Variants in VEPH1 observed in about 807,000 individuals in gnomAD.
The protein encoded by VEPH1 is ventricular zone-expressed PH domain-containing protein homolog 1.
Under a neutral mutation model 85.2 loss-of-function variants are expected in VEPH1, and 80 were observed. The ratio of observed to expected loss-of-function variants is 0.94; its 90% CI spans 0.78 to 1.13. VEPH1 has a LOEUF of 1.13. Among genes scored for constraint, VEPH1 ranks in the 50% most tolerant of loss-of-function variants. The pLI is 0.00. For missense variants in VEPH1, 955 were observed against 980.5 expected, an observed-to-expected ratio of 0.97 and a Z score of 0.35; for synonymous variants, 297 against 348.0, an observed-to-expected ratio of 0.85 and a Z score of 1.63.
At chr3:157,330,896 A>G (rs543944209) in intron 9 of VEPH1, among the ~76,000 whole-genome samples, 1 of 152,314 alleles carries the variant, frequency 6.6e-6, no homozygotes, top group Non-Finnish European at 1.5e-5. Context: ...AGATACATAA[A>G]CAGTAAGCTA....
intron 9 of VEPH1, among the ~76,000 whole-genome samples, chr3:157,324,413 T>C (rs1368625062): frequency 6.6e-6 from 1 of 152,112 alleles, no homozygotes; most frequent in African/African-American, 2.4e-5. Flanking sequence ...TGTGGCATGG[T>C]GGTTTGCTGC....
At chr3:157,338,187 T>G (rs1331951602) in intron 9 of VEPH1, among the ~76,000 whole-genome samples, 1 of 152,204 alleles carries the variant, frequency 6.6e-6, no homozygotes, top group Non-Finnish European at 1.5e-5. Flanking sequence ...TAGGAGTAAA[T>G]GTACTAAGAG....
chr3:157,412,427 T>C (rs1036183152), intron 6 of VEPH1, among the ~76,000 whole-genome samples: 22 of 152,260 alleles, frequency 1.4e-4, no homozygotes, highest in African/African-American at 5.3e-4. Flanking sequence ...ACAAAAAGAA[T>C]TACCATTAAA....
chr3:157,472,057 G>A (rs1040716796), intron 2 of VEPH1, among the ~76,000 whole-genome samples: 4 of 152,134 alleles, frequency 2.6e-5, no homozygotes, highest in Non-Finnish European at 5.9e-5. Flanking sequence ...CTTCCTCAGC[G>A]GGAGCCAGGC....
chr3:157,351,305 G>T (rs538053433), intron 9 of VEPH1, among the ~76,000 whole-genome samples: 2 of 152,116 alleles, frequency 1.3e-5, no homozygotes, highest in African/African-American at 4.8e-5. Flanking sequence ...AATTAGCCTG[G>T]AGTGGTAGCG....
chr3:157,275,347 G>A (rs1261500399), intron 12 of VEPH1, among the ~76,000 whole-genome samples: 1 of 152,122 alleles, frequency 6.6e-6, no homozygotes, highest in African/African-American at 2.4e-5. Flanking sequence ...AGGCTGAGGC[G>A]GGTGGATTGC....
At chr3:157,355,901 CTT>C (rs142961206) in intron 9 of VEPH1, among the ~76,000 whole-genome samples, 51 of 139,262 alleles carry the variant, frequency 3.7e-4, no homozygotes, top group Admixed American at 1.2e-3. Flanking sequence ...CTCTCTCACT[CTT>C]TTTTTTTTTT....
intron 12 of VEPH1, among the ~76,000 whole-genome samples, chr3:157,272,681 T>C (rs1714868552): frequency 6.6e-6 from 1 of 152,032 alleles, no homozygotes; most frequent in Admixed American, 6.6e-5. Context: ...CCCATGGTCC[T>C]CAAACTCCTG....
At chr3:157,355,533 T>A (rs1010609432) in intron 9 of VEPH1, among the ~76,000 whole-genome samples, 1 of 152,232 alleles carries the variant, frequency 6.6e-6, no homozygotes, top group African/African-American at 2.4e-5. Context: ...ACCAGCTAAG[T>A]AGATGACAAC....
chr3:157,458,226 G>T (rs981673507), intron 4 of VEPH1, among the ~76,000 whole-genome samples: 3 of 152,044 alleles, frequency 2.0e-5, no homozygotes, highest in African/African-American at 2.4e-5. Flanking sequence ...GTTGTTTCTG[G>T]TTGTGTTTAT....
intron 12 of VEPH1, among the ~76,000 whole-genome samples, chr3:157,270,944 TGAA>T (rs1437347300): frequency 6.6e-6 from 1 of 151,584 alleles, no homozygotes; most frequent in Non-Finnish European, 1.5e-5. Flanking sequence ...GGGACCCTCA[TGAA>T]GAAGAGAGAA....
intron 10 of VEPH1, among the ~76,000 whole-genome samples, chr3:157,314,336 A>AAAAAAG: frequency 1.0e-5 from 1 of 98,796 alleles, no homozygotes; most frequent in East Asian, 3.0e-4. Flanking sequence ...CCGTCAAAAA[A>AAAAAAG]AAAAAAAAAA....
intron 9 of VEPH1, 63 bp from the exon 10 acceptor site, chr3:157,317,264 T>C (rs1204561338): frequency 1.4e-6 from 2 of 1,434,900 alleles, no homozygotes; most frequent in East Asian, 4.9e-5. Flanking sequence ...TTTATATTGA[T>C]ACTTCAACAC....
chr3:157,312,153 C>T (rs1720181943), intron 11 of VEPH1, among the ~76,000 whole-genome samples: 1 of 152,162 alleles, frequency 6.6e-6, no homozygotes, highest in Non-Finnish European at 1.5e-5. Context: ...GCATGCTTGT[C>T]TCCCTTTTCA....
chr3:157,407,317 A>G (rs1731221075), intron 6 of VEPH1, among the ~76,000 whole-genome samples: 1 of 152,140 alleles, frequency 6.6e-6, no homozygotes, highest in South Asian at 2.1e-4. Flanking sequence ...GGAGGTGGGG[A>G]CCACCTACCC....
At chr3:157,419,766 A>AT (rs1732192228) in intron 5 of VEPH1, among the ~76,000 whole-genome samples, 2 of 152,186 alleles carry the variant, frequency 1.3e-5, no homozygotes, top group Admixed American at 1.3e-4. Context: ...TAGTGTGGTG[A>AT]TTCTTCAAAG....
intron 9 of VEPH1, among the ~76,000 whole-genome samples, chr3:157,327,161 C>G (rs1310411536): frequency 1.3e-5 from 2 of 152,140 alleles, no homozygotes; most frequent in Non-Finnish European, 2.9e-5. Context: ...AAACCATTAT[C>G]CTTCAGGCAA....
intron 9 of VEPH1, among the ~76,000 whole-genome samples, chr3:157,349,568 A>C (rs1724617553): frequency 6.6e-6 from 1 of 152,198 alleles, no homozygotes; most frequent in South Asian, 2.1e-4. Flanking sequence ...AAGGGTATCC[A>C]CATTGGAAAG....
intron 6 of VEPH1, among the ~76,000 whole-genome samples, chr3:157,398,100 T>C (rs1730552596): frequency 6.6e-6 from 1 of 152,086 alleles, no homozygotes. Flanking sequence ...GTGGAGACCA[T>C]GGGCATTTAA....
Sources: gnomAD v4.1 joint callset for allele counts (sites outside exome capture counted in the v4.1 genomes callset) on GRCh38, gnomAD v4.1.1 for gene constraint, MANE v1.5 for transcripts, NCBI Gene and HGNC (gene_info 2026-07-23, HGNC 2026-07-21) for gene names.